Variants in WDR49 observed in about 807,000 individuals in gnomAD.
The protein encoded by WDR49 is WD repeat domain 49, also known as cilia- and flagella-associated protein 337.
In WDR49, 107 loss-of-function variants were observed where a neutral mutation model predicts 119.5. The ratio of observed to expected loss-of-function variants is 0.90; its 90% CI spans 0.77 to 1.05. The LOEUF (loss-of-function observed/expected upper bound fraction) is 1.05. WDR49 is among the 50% of genes least tolerant of loss of function. The probability of loss-of-function intolerance (pLI) is 0.00; values close to 1 mark genes in which losing one functional copy is unlikely to be tolerated. For missense variants in WDR49, 1,240 were observed against 1,220.5 expected, an observed-to-expected ratio of 1.02 and a Z score of -0.24; for synonymous variants, 425 against 418.8, an observed-to-expected ratio of 1.01 and a Z score of -0.18.
chr3:167,657,563 T>C (rs1718635219), upstream of WDR49, among the ~76,000 whole-genome samples: 1 of 138,032 alleles, frequency 7.2e-6, no homozygotes, highest in Non-Finnish European at 1.5e-5. Context: ...CCCACCAACA[T>C]ATAGATCTCC....
At position 167,555,729 on chromosome 3, in the gene WDR49, G is replaced by T. The variant is rs1047800216; in HGVS notation, c.1675-931C>A. ...CCTACACACATTTTGGTGGCCAGAG[G>T]TGTGTATTGCATTCAGTGTGATGGT... On this transcript the variant is annotated intron_variant, in intron 9 of 18. Coordinates refer to ENST00000682715, the MANE Select transcript of WDR49 (RefSeq NM_001366157.1). Among the ~76,000 whole-genome samples, 4 of 152,072 alleles carry T rather than the reference G, an allele frequency of 2.6e-5. No homozygotes were observed. In the East Asian group the frequency reaches 5.8e-4, roughly 22 times the overall value.
At chr3:167,549,490 T>C (rs1218084429) in intron 10 of WDR49, among the ~76,000 whole-genome samples, 1 of 152,230 alleles carries the variant, frequency 6.6e-6, no homozygotes, top group Non-Finnish European at 1.5e-5. Context: ...ATAAATGTCT[T>C]CTTTTGAGAA....
rs775044846 is a variant in WDR49 at position 167,522,474 on chromosome 3, C to T, written c.2615G>A (p.Trp872Ter). ...AAGGAAAAGGCAGTTTTCAATATGC[C>T]AGTGCTTTGCCTGAAAAAAACGAAA... Reference protein sequence around the residue: ...PVWIFGQAKHWHIENCLFLPK... With the variant: ...PVWIFGQAKH The change falls in exon 16 of 19, where the codon TGG becomes TAG. Residue 872 changes from tryptophan to a stop codon, truncating the protein, a stop_gained. Transcript: ENST00000682715. LOFTEE classifies it high-confidence loss of function. 4.4e-6 allele frequency: 7 copies of T among 1,591,004 alleles called. No individual in the cohort carries two copies. Among genetic ancestry groups the T allele is most frequent in the Non-Finnish European group, 5.1e-6 (6 of 1,174,654 alleles).
At chr3:167,501,209 C>T (rs377486927) in intron 17 of WDR49, among the ~76,000 whole-genome samples, 18 of 152,120 alleles carry the variant, frequency 1.2e-4, no homozygotes, top group African/African-American at 3.9e-4. Context: ...AACTAATGTG[C>T]TATGTCAAAT....
At chr3:167,480,023 G>C (rs1750643212) in intron 18 of WDR49, among the ~76,000 whole-genome samples, 1 of 151,930 alleles carries the variant, frequency 6.6e-6, no homozygotes, top group African/African-American at 2.4e-5. Context: ...CTGAGGTCAG[G>C]AGTTCGAGAC....
upstream of WDR49, among the ~76,000 whole-genome samples, chr3:167,656,070 C>G (rs6807306): frequency 0.29 from 43,430 of 152,024 alleles, 6,724 homozygotes; most frequent in African/African-American, 0.41. Flanking sequence ...TGTTCCAACA[C>G]AGTGCTGTGT....
chr3:167,554,881 T>C (rs543450631), intron 9 of WDR49, 83 bp from the exon 10 acceptor site: 64 of 1,003,976 alleles, frequency 6.4e-5, no homozygotes, highest in South Asian at 4.4e-4. Flanking sequence ...ATTTAGGATA[T>C]GTAATCATTA....
chr3:167,498,199 A>G (rs1751432166), intron 18 of WDR49, among the ~76,000 whole-genome samples: 1 of 152,180 alleles, frequency 6.6e-6, no homozygotes, highest in Non-Finnish European at 1.5e-5. Context: ...ACAGACTGAA[A>G]TCCTTATCAG....
intron 18 of WDR49, among the ~76,000 whole-genome samples, chr3:167,479,313 A>G (rs1290516952): frequency 2.0e-5 from 3 of 152,180 alleles, no homozygotes; most frequent in Non-Finnish European, 4.4e-5. Flanking sequence ...AGCTATCAAG[A>G]CATAAAGAGC....
chr3:167,604,583 A>T (rs903733033), intron 5 of WDR49, 115 bp from the exon 6 acceptor site: 7 of 1,013,002 alleles, frequency 6.9e-6, no homozygotes, highest in African/African-American at 1.6e-5. Flanking sequence ...CTATGATGAT[A>T]CAAACTGATA....
intron 10 of WDR49, among the ~76,000 whole-genome samples, chr3:167,537,323 T>C (rs534337608): frequency 3.3e-5 from 5 of 152,154 alleles, no homozygotes; most frequent in African/African-American, 7.2e-5. Context: ...ATGGGTATTA[T>C]GAAATCACCG....
chr3:167,643,556 C>T (rs866625385), intron 2 of WDR49, among the ~76,000 whole-genome samples: 10 of 151,916 alleles, frequency 6.6e-5, no homozygotes, highest in African/African-American at 1.7e-4. Flanking sequence ...ATTACTGGGA[C>T]GAAAGGGGAC....
intron 18 of WDR49, among the ~76,000 whole-genome samples, chr3:167,491,739 C>A (rs183980439): frequency 1.3e-5 from 2 of 152,070 alleles, no homozygotes; most frequent in African/African-American, 4.8e-5. Flanking sequence ...GACTCAGAGG[C>A]AGTTCTAAGT....
chr3:167,635,824 C>G (rs1717590816), intron 2 of WDR49, among the ~76,000 whole-genome samples: 1 of 151,620 alleles, frequency 6.6e-6, no homozygotes, highest in African/African-American at 2.4e-5. Context: ...TTGATCTACT[C>G]ATTAATAAAT....
At chr3:167,537,032 A>T in intron 10 of WDR49, 32 bp from the exon 11 acceptor site, 1 of 1,541,118 alleles carries the variant, frequency 6.5e-7, no homozygotes, top group Non-Finnish European at 8.7e-7. Flanking sequence ...TTAGCTGTGG[A>T]TCTAAAATTG....
intron 7 of WDR49, among the ~76,000 whole-genome samples, chr3:167,596,621 C>T (rs550170845): frequency 6.9e-6 from 1 of 145,480 alleles, no homozygotes; most frequent in Admixed American, 6.9e-5. Context: ...ATCGCAAGAA[C>T]AAAAAACCAA....
rs59424091 is a variant in WDR49 at position 167,585,391 on chromosome 3, C to CGTGTGT, written c.1276-9246_1276-9241dup. ...TAACCTAAGAGGTCTTAAAAGGGTG[C>CGTGTGT]GTGTGTGTGTGTGTGTGTGTGTGTG... On this transcript the variant is annotated intron_variant, in intron 7 of 18. Transcript: ENST00000682715. Among the ~76,000 whole-genome samples, 134 of 137,486 alleles carry CGTGTGT rather than the reference C, an allele frequency of 9.7e-4. 2 individuals are homozygous for CGTGTGT. The highest frequency in any genetic ancestry group is 1.7e-3 in the South Asian group (7 of 4,098). The allele number at this position is 137,486 out of a possible 152,430, so 90.2% of individuals were successfully genotyped here.
chr3:167,648,384 G>T (rs1474439577), intron 2 of WDR49, among the ~76,000 whole-genome samples: 5 of 152,052 alleles, frequency 3.3e-5, no homozygotes, highest in Admixed American at 2.6e-4. Flanking sequence ...AAAGATAAAA[G>T]AACAAGAATT....
intron 16 of WDR49, among the ~76,000 whole-genome samples, chr3:167,518,676 T>C (rs1425416921): frequency 5.3e-5 from 8 of 151,270 alleles, no homozygotes; most frequent in African/African-American, 1.9e-4. Flanking sequence ...TTCTCCCATA[T>C]TGTAGGTTGC....
Sources: gnomAD v4.1 joint callset for allele counts (sites outside exome capture counted in the v4.1 genomes callset) on GRCh38, gnomAD v4.1.1 for gene constraint, MANE v1.5 for transcripts, NCBI Gene and HGNC (gene_info 2026-07-23, HGNC 2026-07-21) for gene names.